The following GDF5 variants were observed in gnomAD, a reference collection of about 807,000 sequenced individuals.
GDF5 encodes growth differentiation factor 5, also known as growth/differentiation factor 5.
A neutral mutation model predicts 34.6 loss-of-function variants in GDF5; 17 were observed. The observed-to-expected ratio is 0.49, with a 90% CI of 0.34 to 0.74. The LOEUF (loss-of-function observed/expected upper bound fraction) is 0.74. Among genes scored for constraint, GDF5 ranks in the 30% least tolerant of loss-of-function variants. The probability of loss-of-function intolerance (pLI) is 0.01; values close to 1 mark genes in which losing one functional copy is unlikely to be tolerated. For missense variants in GDF5, 616 were observed against 661.2 expected (o/e 0.93, Z 0.75); for synonymous variants, 332 against 290.7 (o/e 1.14, Z -1.44).
At chr20:35,440,794 T>G (rs1017011942), upstream of GDF5, among the ~76,000 whole-genome samples, 19 of 152,224 alleles carry the variant, frequency 1.2e-4, no homozygotes, top group African/African-American at 4.8e-5. Context: ...GTCTCTCCCA[T>G]TAGATTATGA....
chr20:35,443,304 G>A (rs1362760576), intron 1 of GDF5, among the ~76,000 whole-genome samples: 6 of 151,982 alleles, frequency 3.9e-5, no homozygotes, highest in South Asian at 4.2e-4. Context: ...TGGGTCCCCC[G>A]TGTCCCCCAA....
chr20:35,434,347 A>T lies in GDF5; in HGVS notation c.1068T>A (p.Asn356Lys), dbSNP rs200950438. 19 of 1,611,688 alleles carry T rather than the reference A, an allele frequency of 1.2e-5. No homozygotes were observed. The highest frequency in any genetic ancestry group is 1.5e-5 in the Non-Finnish European group (18 of 1,178,322). ...GRTKKRDLFFNEIKARSGQDD... is the reference protein window; with the variant it reads ...GRTKKRDLFFKEIKARSGQDD... ...CCTGGCCAGAGCGGGCCTTAATCTC[A>T]TTAAAGAACAGGTCCCGTTTCTTGG... Residue 356 changes from asparagine (N) to lysine (K), a missense_variant, in exon 2 of 2, where the codon AAT becomes AAA. By Grantham distance (94) the Asn-to-Lys change is moderately conservative. Transcript: ENST00000374369.
At chr20:35,450,394 G>A (rs1274058982) in intron 1 of GDF5, among the ~76,000 whole-genome samples, 1 of 151,776 alleles carries the variant, frequency 6.6e-6, no homozygotes, top group Non-Finnish European at 1.5e-5. Flanking sequence ...GAGAAAGAAA[G>A]AGGAAAGTGG....
upstream of GDF5, among the ~76,000 whole-genome samples, chr20:35,438,821 A>ATGTGTGTGTGTGTGTGTGTG (rs1177580555): frequency 1.3e-4 from 6 of 45,026 alleles, no homozygotes; most frequent in African/African-American, 2.6e-4. Context: ...CTGATTTGTT[A>ATGTGTGTGTGTGTGTGTGTG]TGCGTGTGTG....
In GDF5 at chr20:35,437,967, G is replaced by C. The variant is rs149907722; in HGVS notation, c.-39C>G. ...GCTGAATGACACCAAAGAGAACAGC[G>C]GCAGCAGCGAAGGTGCCTCTGGTTT... On this transcript the variant is annotated 5_prime_UTR_variant, in exon 1 of 2. Coordinates refer to ENST00000374369, the MANE Select transcript of GDF5 (RefSeq NM_000557.5). 3 of 1,610,516 alleles carry C rather than the reference G, an allele frequency of 1.9e-6. No individual in the cohort carries two copies. The highest frequency in any genetic ancestry group is 1.7e-5 in the Admixed American group (1 of 59,700).
At chr20:35,452,571 C>A (rs762533494) in intron 1 of GDF5, among the ~76,000 whole-genome samples, 1 of 152,118 alleles carries the variant, frequency 6.6e-6, no homozygotes, top group Admixed American at 6.6e-5. Context: ...TACAGGCATG[C>A]GCCACCACGC....
chr20:35,441,091 A>C (rs1004614117), upstream of GDF5: 2 of 152,250 alleles, frequency 1.3e-5, no homozygotes, highest in East Asian at 3.8e-4. Flanking sequence ...ATGTCTCTGT[A>C]CGTGGCTTGA....
chr20:35,450,032 G>A (rs953583738), intron 1 of GDF5, among the ~76,000 whole-genome samples: 13 of 151,624 alleles, frequency 8.6e-5, no homozygotes, highest in African/African-American at 2.4e-4. Flanking sequence ...GCCGGGCGTC[G>A]CGGCTCACGC....
chr20:35,451,755 A>T (rs961172554), intron 1 of GDF5, among the ~76,000 whole-genome samples: 5 of 152,070 alleles, frequency 3.3e-5, no homozygotes, highest in African/African-American at 1.2e-4. Flanking sequence ...GCTGGTCTCC[A>T]ACTCCTGGGC....
At chr20:35,454,153 A>AT (rs2062553714) in intron 1 of GDF5, 25 of 392,724 alleles carry the variant, frequency 6.4e-5, no homozygotes, top group South Asian at 4.9e-4. Context: ...AAGAAAGTGC[A>AT]TTAACAATTT....
chr20:35,443,321 CCT>C (rs753731021), intron 1 of GDF5, among the ~76,000 whole-genome samples: 1 of 152,094 alleles, frequency 6.6e-6, no homozygotes, highest in Non-Finnish European at 1.5e-5. Flanking sequence ...CCAACCTCCC[CCT>C]CTCCTGTCAG....
Position 35,434,764 on chromosome 20 carries a change from G to A in GDF5, c.651C>T (p.Val217=). 6.2e-7 allele frequency: 1 copy of A among 1,611,298 alleles called. No individual in the cohort carries two copies. The highest frequency in any genetic ancestry group is 1.1e-5 in the South Asian group (1 of 91,090). ...TGTCAAACACGTACCTCTGCTTCCT[G>A]ACCACGGGACCTCGGTCATCTAGAG... ...DKGQDDRGPV[V]RKQRYVFDIS... The change falls in exon 2 of 2, where the codon GTC becomes GTT. Residue 217 remains valine, a synonymous_variant. Transcript: ENST00000374369.
At chr20:35,445,625 T>C (rs567302077) in intron 1 of GDF5, among the ~76,000 whole-genome samples, 7 of 151,062 alleles carry the variant, frequency 4.6e-5, no homozygotes, top group Admixed American at 2.6e-4. Flanking sequence ...GATAGCACCA[T>C]TGCACTCCAG....
rs2062530183 is a variant in GDF5, at chr20:35,451,054, A to ATATATATATATATATATATAT, written c.-398+3585_-398+3586insATATATATATATATATATATA. On this transcript the variant is annotated intron_variant, in intron 1 of 3. Coordinates refer to the GDF5 transcript ENST00000374372. ...TTTTAGACTAACAGAAAAAAAAAAA[A>ATATATATATATATATATATAT]AAAAAAAAAAATATATATATATATA... Among the ~76,000 whole-genome samples the ATATATATATATATATATATAT allele has an allele frequency of 7.5e-4, 37 of 49,132 alleles. 1 individual carries two copies. Among genetic ancestry groups the ATATATATATATATATATATAT allele is most frequent in the Admixed American group, 1.2e-3 (5 of 4,030 alleles). 32.2% of individuals were successfully genotyped at this position (49,132 alleles called of 152,430 possible). A position where few individuals can be genotyped will look rare whatever the true frequency, so the allele number is the denominator to read the frequency against.
intron 1 of GDF5, among the ~76,000 whole-genome samples, chr20:35,445,905 G>C (rs6058248): frequency 2.2e-3 from 335 of 152,112 alleles, no homozygotes; most frequent in African/African-American, 7.4e-3. Flanking sequence ...GGAGGCGGAG[G>C]TTGCAGTGAG....
upstream of GDF5, among the ~76,000 whole-genome samples, chr20:35,438,560 A>T (rs1013762308): frequency 7.9e-5 from 12 of 152,176 alleles, no homozygotes; most frequent in African/African-American, 2.9e-4. Flanking sequence ...TTTCGAGGCC[A>T]TGGCTCACGG....
chr20:35,448,384 T>G (rs2062520122), intron 1 of GDF5, among the ~76,000 whole-genome samples: 1 of 138,126 alleles, frequency 7.2e-6, no homozygotes, highest in Admixed American at 7.2e-5. Context: ...GCTACGGGAC[T>G]TTTTGTTTTT....
chr20:35,441,454 CTT>C (rs1215410831), upstream of GDF5: 1,289 of 132,502 alleles, frequency 9.7e-3, 15 homozygotes, highest in African/African-American at 0.03. Context: ...TTAATGATAG[CTT>C]TTTTTTTTTT....
chr20:35,444,036 G>T (rs756807891), intron 1 of GDF5, among the ~76,000 whole-genome samples: 4 of 152,104 alleles, frequency 2.6e-5, no homozygotes, highest in Non-Finnish European at 5.9e-5. Context: ...TTCCAGTTCT[G>T]CCATTTGCCA....
Sources: gnomAD v4.1 joint callset for allele counts (sites outside exome capture counted in the v4.1 genomes callset) on GRCh38, gnomAD v4.1.1 for gene constraint, MANE v1.5 for transcripts, NCBI Gene and HGNC (gene_info 2026-07-23, HGNC 2026-07-21) for gene names.